RALGPS1: variants seen among roughly 807,000 people sequenced by gnomAD.
RALGPS1 encodes the protein ras-specific guanine nucleotide-releasing factor RalGPS1.
RALGPS1 carries 19 observed loss-of-function variants against 78.8 expected under a neutral mutation model. That is an observed-to-expected ratio of 0.24 (90% CI 0.17 to 0.35). The LOEUF (loss-of-function observed/expected upper bound fraction) is 0.35. RALGPS1 is among the 10% of genes least tolerant of loss of function. The pLI is 1.00. For synonymous variants in RALGPS1, 228 were observed against 256.3 expected, an observed-to-expected ratio of 0.89 and a Z score of 1.06; for missense variants, 454 against 688.3, an observed-to-expected ratio of 0.66 and a Z score of 3.81.
chr9:127,152,692 C>T (rs1056927441), intron 8 of RALGPS1, among the ~76,000 whole-genome samples: 2 of 152,192 alleles, frequency 1.3e-5, no homozygotes, highest in Admixed American at 6.5e-5. Flanking sequence ...CTAAGGCTGT[C>T]TGTCCATAAG....
chr9:127,179,775 C>T (rs982615033), intron 11 of RALGPS1, among the ~76,000 whole-genome samples: 12 of 152,222 alleles, frequency 7.9e-5, no homozygotes, highest in Non-Finnish European at 1.6e-4. Context: ...ATGTGCCGGG[C>T]GGTCTCTCTG....
chr9:127,005,081 C>G (rs1390255723), intron 4 of RALGPS1, among the ~76,000 whole-genome samples: 1 of 152,190 alleles, frequency 6.6e-6, no homozygotes, highest in Non-Finnish European at 1.5e-5. Context: ...TAAGCAGTTC[C>G]TGTGTCAAGT....
intron 8 of RALGPS1, among the ~76,000 whole-genome samples, chr9:127,163,386 T>G (rs1185469696): frequency 6.6e-6 from 1 of 152,164 alleles, no homozygotes; most frequent in East Asian, 1.9e-4. Flanking sequence ...AAAGAATAAA[T>G]CTGTGGATTC....
chr9:127,129,814 C>A (rs2056883908), intron 8 of RALGPS1, among the ~76,000 whole-genome samples: 1 of 152,244 alleles, frequency 6.6e-6, no homozygotes. Context: ...TCTCTTCCCT[C>A]CCTGGGCTGG....
At chr9:127,182,124 G>T (rs1015724654) in intron 11 of RALGPS1, among the ~76,000 whole-genome samples, 2 of 150,754 alleles carry the variant, frequency 1.3e-5, no homozygotes, top group African/African-American at 4.9e-5. Flanking sequence ...GATGGCTTGA[G>T]CCCAGAGTAG....
intron 2 of RALGPS1, among the ~76,000 whole-genome samples, chr9:126,964,012 T>C (rs1309799478): frequency 6.6e-6 from 1 of 152,182 alleles, no homozygotes; most frequent in Non-Finnish European, 1.5e-5. Flanking sequence ...AAGTTCACTC[T>C]GCGTAGGTTC....
intron 8 of RALGPS1, among the ~76,000 whole-genome samples, chr9:127,111,443 A>C (rs2054799157): frequency 6.6e-6 from 1 of 152,204 alleles, no homozygotes; most frequent in African/African-American, 2.4e-5. Flanking sequence ...CCTGAAATAC[A>C]TAGGAGCTCA....
At chr9:127,124,616 G>T (rs1441340428) in intron 8 of RALGPS1, among the ~76,000 whole-genome samples, 1 of 152,214 alleles carries the variant, frequency 6.6e-6, no homozygotes, top group African/African-American at 2.4e-5. Context: ...TTAGTAACTG[G>T]GATAGACTCG....
intron 4 of RALGPS1, among the ~76,000 whole-genome samples, chr9:127,022,931 G>T (rs1330812173): frequency 6.6e-6 from 1 of 152,198 alleles, no homozygotes; most frequent in East Asian, 1.9e-4. Flanking sequence ...CACCATGAAA[G>T]TAAGAGCATG....
intron 1 of RALGPS1, among the ~76,000 whole-genome samples, chr9:126,945,419 C>T (rs1441745340): frequency 2.0e-5 from 3 of 152,094 alleles, no homozygotes; most frequent in African/African-American, 7.2e-5. Flanking sequence ...AGGCAGATCT[C>T]GAACTCCTGA....
chr9:127,126,196 G>T (rs1365145606), intron 8 of RALGPS1, among the ~76,000 whole-genome samples: 1 of 142,258 alleles, frequency 7.0e-6, no homozygotes, highest in Non-Finnish European at 1.5e-5. Flanking sequence ...ATGTCTTTCT[G>T]TTGTCTTCTG....
chr9:126,929,481 TG>T (rs1275171465), intron 1 of RALGPS1, among the ~76,000 whole-genome samples: 1 of 152,186 alleles, frequency 6.6e-6, no homozygotes, highest in Non-Finnish European at 1.5e-5. Context: ...GACGGAGTTT[TG>T]CTCTTGTTGA....
In RALGPS1 at chr9:127,108,739, G is replaced by A. The variant is rs2054512554; in HGVS notation, c.610+39383G>A. The A allele has an allele frequency of 6.3e-7, 1 of 1,592,376 alleles. No homozygotes were observed. The highest frequency in any genetic ancestry group is 8.6e-7 in the Non-Finnish European group (1 of 1,166,784). On this transcript the variant is annotated intron_variant, in intron 8 of 18. Transcript: ENST00000259351. ...CACGCACAGTGGCCTCATGGTCCTT[G>A]CAAAATGGTGGTTATTCTTTGTGAA...
chr9:127,173,974 C>T (rs987693349), intron 10 of RALGPS1, among the ~76,000 whole-genome samples: 2 of 152,118 alleles, frequency 1.3e-5, no homozygotes, highest in African/African-American at 4.8e-5. Flanking sequence ...GATCTTGCCA[C>T]TGCACTGTAG....
At chr9:127,049,970 G>A in intron 5 of RALGPS1, 73 bp from the exon 6 acceptor site, 1 of 1,089,948 alleles carries the variant, frequency 9.2e-7, no homozygotes, top group Non-Finnish European at 1.4e-6. Flanking sequence ...TGGGCAAGGG[G>A]GACACGGGTG....
At chr9:127,010,899 C>T (rs1166752571) in intron 4 of RALGPS1, among the ~76,000 whole-genome samples, 2 of 152,188 alleles carry the variant, frequency 1.3e-5, no homozygotes, top group African/African-American at 4.8e-5. Context: ...TGTAACTCTT[C>T]CTTTGGTCTC....
intron 4 of RALGPS1, among the ~76,000 whole-genome samples, chr9:127,013,547 C>T (rs1176620804): frequency 6.6e-6 from 1 of 152,130 alleles, no homozygotes; most frequent in East Asian, 1.9e-4. Context: ...CCCTTTTCCA[C>T]CTGTCTGTCC....
chr9:127,076,563 A>T (rs543802320), intron 8 of RALGPS1, among the ~76,000 whole-genome samples: 1 of 152,252 alleles, frequency 6.6e-6, no homozygotes, highest in Admixed American at 6.5e-5. Context: ...TAAATTCTAA[A>T]GTTTAAAATC....
chr9:127,022,977 T>G (rs1304025987), intron 4 of RALGPS1, among the ~76,000 whole-genome samples: 1 of 152,244 alleles, frequency 6.6e-6, no homozygotes, highest in African/African-American at 2.4e-5. Flanking sequence ...TAAAACATAC[T>G]TTAATTTTGG....
Sources: allele counts gnomAD v4.1 joint callset (sites outside exome capture counted in the v4.1 genomes callset), GRCh38; gene constraint gnomAD v4.1.1; transcripts MANE v1.5; gene names NCBI Gene and HGNC (gene_info 2026-07-23, HGNC 2026-07-21).